The following PTPRT variants were observed in gnomAD, a reference collection of about 807,000 sequenced individuals.
The protein encoded by PTPRT is protein tyrosine phosphatase receptor type T.
A neutral mutation model predicts 176.8 loss-of-function variants in PTPRT; 56 were observed. The ratio of observed to expected loss-of-function variants is 0.32; its 90% CI spans 0.26 to 0.40. PTPRT has a LOEUF of 0.40. PTPRT is among the 10% of genes least tolerant of loss of function. The pLI, the probability that PTPRT is intolerant of heterozygous loss-of-function variation, is 1.00. For synonymous variants in PTPRT, 783 were observed against 739.0 expected, an observed-to-expected ratio of 1.06 and a Z score of -0.96; for missense variants, 1,540 against 1,908.2, an observed-to-expected ratio of 0.81 and a Z score of 3.60.
chr20:42,687,610 A>G (rs912251093), intron 6 of PTPRT: 2 of 152,224 alleles, frequency 1.3e-5, no homozygotes, highest in Non-Finnish European at 2.9e-5. Context: ...AGGGGCTAGG[A>G]GAAGCTGGAT....
intron 2 of PTPRT, among the ~76,000 whole-genome samples, chr20:42,883,711 T>C (rs13036815): frequency 0.19 from 1,097 of 5,900 alleles, 111 homozygotes; most frequent in Middle Eastern, 0.7. Flanking sequence ...TACACCCCCA[T>C]ACACACACAC....
intron 2 of PTPRT, among the ~76,000 whole-genome samples, chr20:42,809,930 C>T (rs1282866727): frequency 6.6e-6 from 1 of 152,160 alleles, no homozygotes; most frequent in Non-Finnish European, 1.5e-5. Context: ...TTCAACCCCA[C>T]TACAACTACA....
chr20:43,036,395 C>G (rs1358659249), intron 1 of PTPRT, among the ~76,000 whole-genome samples: 1 of 152,116 alleles, frequency 6.6e-6, no homozygotes, highest in Non-Finnish European at 1.5e-5. Context: ...CTATGCCCAG[C>G]TTTATTTTTA....
intron 6 of PTPRT, among the ~76,000 whole-genome samples, chr20:42,697,432 G>C (rs1263852248): frequency 6.6e-6 from 1 of 152,190 alleles, no homozygotes; most frequent in Non-Finnish European, 1.5e-5. Context: ...TATATTCTAT[G>C]ATCCTGATAT....
At position 42,524,360 on chromosome 20, in the gene PTPRT, G is replaced by T. The variant is rs564477034; in HGVS notation, c.1154-51798C>A. ...GATTTTATTGGCAATTTACTCTTAG[G>T]TTTTGTTTATTACAATACCTTTCTC... On this transcript the variant is annotated intron_variant, in intron 7 of 30. Coordinates refer to ENST00000373187, the MANE Select transcript of PTPRT (RefSeq NM_007050.6). Among the ~76,000 whole-genome samples, 43 of 152,158 alleles carry T rather than the reference G, an allele frequency of 2.8e-4. 1 individual carries two copies. Among genetic ancestry groups the T allele is most frequent in the Admixed American group, 2.5e-3 (38 of 15,296 alleles).
chr20:42,953,835 G>A lies in PTPRT; in HGVS notation c.89-67903C>T, dbSNP rs186181004. On this transcript the variant is annotated intron_variant, in intron 1 of 30. Coordinates refer to ENST00000373187, the MANE Select transcript of PTPRT (RefSeq NM_007050.6). ...CAGATTCTTCTCTGTTTAGGGGGCT[G>A]TCCAGTGCTTTGTAGGGTGCTTAGC... Among the ~76,000 whole-genome samples the A allele has an allele frequency of 3.5e-3, 531 of 152,278 alleles. 1 individual carries two copies. The highest frequency in any genetic ancestry group is 0.012 in the African/African-American group (509 of 41,562).
At chr20:42,554,186 T>C (rs1309493461) in intron 7 of PTPRT, among the ~76,000 whole-genome samples, 1 of 152,170 alleles carries the variant, frequency 6.6e-6, no homozygotes, top group Non-Finnish European at 1.5e-5. Flanking sequence ...CCCTCTTGTA[T>C]GCCATTCAGG....
At chr20:42,614,213 C>T (rs1310214787) in intron 7 of PTPRT, among the ~76,000 whole-genome samples, 2 of 152,122 alleles carry the variant, frequency 1.3e-5, no homozygotes, top group Non-Finnish European at 2.9e-5. Context: ...GCATTCTCCC[C>T]AAGTGCATGG....
chr20:42,843,181 G>A lies in PTPRT; in HGVS notation c.214+42626C>T, dbSNP rs534354771. 5.9e-5 allele frequency among the ~76,000 whole-genome samples: 9 copies of A among 152,296 alleles called. No individual in the cohort carries two copies. The East Asian group carries it at 1.7e-3, about 29-fold the overall frequency. ...TTTCTGCCTGTCTGAGATAAATGTTGGTTCCCTAAAGAGATTTGGAAAATA... is the reference window on the plus strand; with the variant it reads ...TTTCTGCCTGTCTGAGATAAATGTTAGTTCCCTAAAGAGATTTGGAAAATA... On this transcript the variant is annotated intron_variant, in intron 2 of 30. Transcript: ENST00000373187.
At chr20:42,666,183 G>C (rs950059748) in intron 7 of PTPRT, among the ~76,000 whole-genome samples, 1 of 152,076 alleles carries the variant, frequency 6.6e-6, no homozygotes, top group South Asian at 2.1e-4. Context: ...TTGTTTATAA[G>C]ACCAATCACA....
intron 7 of PTPRT, among the ~76,000 whole-genome samples, chr20:42,499,296 T>C (rs1056628862): frequency 6.6e-6 from 1 of 151,892 alleles, no homozygotes; most frequent in Non-Finnish European, 1.5e-5. Flanking sequence ...GATAAACTTT[T>C]TTTTTTTTTT....
chr20:43,171,725 A>T (rs2015005280), intron 1 of PTPRT, among the ~76,000 whole-genome samples: 1 of 152,190 alleles, frequency 6.6e-6, no homozygotes, highest in Non-Finnish European at 1.5e-5. Context: ...TATTCAGTGG[A>T]TCTGCTATGG....
At chr20:42,613,531 A>G (rs1287066766) in intron 7 of PTPRT, among the ~76,000 whole-genome samples, 1 of 152,226 alleles carries the variant, frequency 6.6e-6, no homozygotes, top group African/African-American at 2.4e-5. Context: ...ATGTAAGTCA[A>G]TGCCTAACAA....
At chr20:42,409,481 CAAAAAAAAAAAAAAAAA>C (rs58932390) in intron 9 of PTPRT, among the ~76,000 whole-genome samples, 7 of 112,144 alleles carry the variant, frequency 6.2e-5, no homozygotes, top group South Asian at 6.2e-4. Context: ...GACTCTGTCG[CAAAAAAAAAAAAAAAAA>C]AAAAAAAAAA....
intron 9 of PTPRT, among the ~76,000 whole-genome samples, chr20:42,363,105 GAAAA>G (rs71193658): frequency 2.1e-5 from 1 of 47,210 alleles, no homozygotes; most frequent in African/African-American, 8.9e-5. Context: ...CTCCATTTCA[GAAAA>G]AAAAAAAAAA....
intron 13 of PTPRT, among the ~76,000 whole-genome samples, chr20:42,275,285 A>G (rs1474008033): frequency 6.6e-6 from 1 of 152,222 alleles, no homozygotes; most frequent in Non-Finnish European, 1.5e-5. Context: ...CTCTTTATTT[A>G]TAACCCTTGT....
intron 9 of PTPRT, among the ~76,000 whole-genome samples, chr20:42,427,902 C>A (rs1363746882): frequency 6.6e-6 from 1 of 152,280 alleles, no homozygotes; most frequent in Non-Finnish European, 1.5e-5. Flanking sequence ...TTTGTGAGAT[C>A]CACTCCTGCC....
At chr20:42,243,291 G>C (rs1036174871) in intron 14 of PTPRT, among the ~76,000 whole-genome samples, 2 of 152,142 alleles carry the variant, frequency 1.3e-5, no homozygotes, top group Non-Finnish European at 2.9e-5. Flanking sequence ...AGATGTCCAG[G>C]GGCAGATGAT....
intron 7 of PTPRT, among the ~76,000 whole-genome samples, chr20:42,567,309 G>GAAA (rs530699223): frequency 1.3e-5 from 2 of 150,398 alleles, no homozygotes; most frequent in African/African-American, 5.0e-5. Flanking sequence ...GAGAGAGAGA[G>GAAA]AAAAAAAACG....
Sources: allele counts gnomAD v4.1 joint callset (sites outside exome capture counted in the v4.1 genomes callset), GRCh38; gene constraint gnomAD v4.1.1; transcripts MANE v1.5; gene names NCBI Gene and HGNC (gene_info 2026-07-23, HGNC 2026-07-21).